Variants in CFAP54 observed in about 807,000 individuals in gnomAD.
The protein encoded by CFAP54 is cilia and flagella associated protein 54, also known as cilia- and flagella-associated protein 54.
CFAP54 carries 290 observed loss-of-function variants against 370.4 expected under a neutral mutation model. That is an observed-to-expected ratio of 0.78 (90% CI 0.71 to 0.86). The LOEUF (loss-of-function observed/expected upper bound fraction) is 0.86, where lower values mean the gene tolerates loss of function less well. Among genes scored for constraint, CFAP54 ranks in the 40% least tolerant of loss-of-function variants. The pLI is 0.00. For synonymous variants in CFAP54, 1,206 were observed against 1,236.5 expected (o/e 0.98, Z 0.52); for missense variants, 3,399 against 3,528.7 (o/e 0.96, Z 0.93).
Position 96,860,801 on chromosome 12 carries a change from T to A in CFAP54, c.9172-18T>A. 4 of 1,518,998 alleles carry A rather than the reference T, an allele frequency of 2.6e-6. No homozygotes were observed. Among genetic ancestry groups the A allele is most frequent in the Non-Finnish European group, 3.5e-6 (4 of 1,140,616 alleles). 94.1% of individuals were successfully genotyped at this position (1,518,998 alleles called of 1,614,324 possible). Reference sequence around the variant, plus strand: ...TTGAAACAATGCATTTCATGAACACTTTTATGTTTTTCCTCAGGTCCCATT... The same window carrying A: ...TTGAAACAATGCATTTCATGAACACATTTATGTTTTTCCTCAGGTCCCATT... On this transcript the variant is annotated intron_variant, in intron 66 of 67. Coordinates refer to ENST00000524981, the MANE Select transcript of CFAP54 (RefSeq NM_001306084.2).
intron 60 of CFAP54, among the ~76,000 whole-genome samples, chr12:96,770,214 T>TTGTGTGTGTGTGTGAATTTG (rs1958447833): frequency 7.3e-6 from 1 of 136,066 alleles, no homozygotes; most frequent in Non-Finnish European, 1.6e-5. Flanking sequence ...GTGTGTGAAT[T>TTGTGTGTGTGTGTGAATTTG]TGTGTGTGTG....
At chr12:96,506,383 A>G (rs1037136825) in intron 3 of CFAP54, among the ~76,000 whole-genome samples, 18 of 151,458 alleles carry the variant, frequency 1.2e-4, no homozygotes, top group African/African-American at 4.1e-4. Flanking sequence ...TTTTGGTAAT[A>G]GGATTTGTTT....
intron 63 of CFAP54, among the ~76,000 whole-genome samples, chr12:96,797,837 C>A (rs1229819164): frequency 6.6e-6 from 1 of 151,836 alleles, no homozygotes; most frequent in Non-Finnish European, 1.5e-5. Flanking sequence ...CTGAATAATC[C>A]ATTAATGTAA....
chr12:96,701,730 T>C (rs1383077177), intron 46 of CFAP54, among the ~76,000 whole-genome samples: 1 of 151,968 alleles, frequency 6.6e-6, no homozygotes, highest in African/African-American at 2.4e-5. Flanking sequence ...GCTTGCAAGA[T>C]GTGGTTGAGG....
intron 55 of CFAP54, among the ~76,000 whole-genome samples, chr12:96,748,320 G>C (rs1244165362): frequency 6.6e-6 from 1 of 152,114 alleles, no homozygotes; most frequent in Non-Finnish European, 1.5e-5. Context: ...AAAGTATCCT[G>C]ATGCTTTTCC....
At chr12:96,649,271 CAT>C (rs1456158547) in intron 34 of CFAP54, among the ~76,000 whole-genome samples, 1 of 152,094 alleles carries the variant, frequency 6.6e-6, no homozygotes, top group Non-Finnish European at 1.5e-5. Flanking sequence ...ATTCCATAGC[CAT>C]AGAGTCTGGT....
At chr12:96,530,129 C>T (rs1467037135) in intron 9 of CFAP54, among the ~76,000 whole-genome samples, 2 of 152,056 alleles carry the variant, frequency 1.3e-5, no homozygotes, top group East Asian at 1.9e-4. Context: ...ATTAGGTGGC[C>T]GTATGTGTGT....
chr12:96,672,382 G>A (rs1957157522), intron 39 of CFAP54, among the ~76,000 whole-genome samples: 1 of 152,134 alleles, frequency 6.6e-6, no homozygotes, highest in Non-Finnish European at 1.5e-5. Flanking sequence ...CATTCTCATT[G>A]GGTACTGGAA....
At chr12:96,698,570 C>T (rs373384577) in intron 45 of CFAP54, among the ~76,000 whole-genome samples, 2 of 152,062 alleles carry the variant, frequency 1.3e-5, no homozygotes, top group East Asian at 1.9e-4. Flanking sequence ...AGCAGACTAA[C>T]CCAGGAACAG....
At position 96,826,811 on chromosome 12, in the gene CFAP54, A is replaced by G. The variant is rs1461602742; in HGVS notation, c.9097-2203A>G. 7.9e-5 allele frequency among the ~76,000 whole-genome samples: 9 copies of G among 114,488 alleles called. No homozygotes were observed. The South Asian group carries it at 1.4e-3, about 18-fold the overall frequency. The allele number at this position is 114,488 out of a possible 152,430, so 75.1% of individuals were successfully genotyped here. A position where few individuals can be genotyped will look rare whatever the true frequency, so the allele number is the denominator to read the frequency against. ...TAAATAATATATAATTATATATTAT[A>G]CATATTAATATATTATATAATATAT... On this transcript the variant is annotated intron_variant, in intron 65 of 67. Coordinates refer to ENST00000524981, the MANE Select transcript of CFAP54 (RefSeq NM_001306084.2).
chr12:96,587,962 A>C (rs1340629709), intron 22 of CFAP54, among the ~76,000 whole-genome samples: 1 of 152,174 alleles, frequency 6.6e-6, no homozygotes. Flanking sequence ...TGGTTTCCTC[A>C]TTCACAAATA....
chr12:96,544,255 A>G (rs1592842798), intron 14 of CFAP54, among the ~76,000 whole-genome samples: 1 of 152,158 alleles, frequency 6.6e-6, no homozygotes, highest in Non-Finnish European at 1.5e-5. Flanking sequence ...TAAGTGACTA[A>G]AACAATAAGC....
chr12:96,527,113 T>C, intron 8 of CFAP54, 133 bp from the exon 9 acceptor site: 3 of 698,258 alleles, frequency 4.3e-6, no homozygotes, highest in Non-Finnish European at 6.5e-6. Flanking sequence ...GCCCAGGTGG[T>C]CTTGAACTCC....
intron 60 of CFAP54, among the ~76,000 whole-genome samples, chr12:96,775,625 G>A (rs1169716068): frequency 6.6e-6 from 1 of 152,148 alleles, no homozygotes; most frequent in African/African-American, 2.4e-5. Context: ...TGGACAAGGC[G>A]AACAGAGGTC....
intron 48 of CFAP54, among the ~76,000 whole-genome samples, chr12:96,709,240 A>G (rs1056826130): frequency 6.6e-6 from 1 of 152,234 alleles, no homozygotes; most frequent in Non-Finnish European, 1.5e-5. Flanking sequence ...CATGTGCACC[A>G]ATAGAGGAAT....
intron 60 of CFAP54, among the ~76,000 whole-genome samples, chr12:96,768,093 G>T (rs1008365517): frequency 6.6e-6 from 1 of 152,030 alleles, no homozygotes. Flanking sequence ...GGCTAAGGTG[G>T]GTGGATTATT....
chr12:96,805,920 A>T (rs1958872540), intron 63 of CFAP54, among the ~76,000 whole-genome samples: 1 of 151,640 alleles, frequency 6.6e-6, no homozygotes, highest in Non-Finnish European at 1.5e-5. Context: ...AGTAACATGG[A>T]TGTAACTGGA....
At chr12:96,734,674 T>C (rs12823085) in intron 50 of CFAP54, among the ~76,000 whole-genome samples, 35,827 of 152,036 alleles carry the variant, frequency 0.24, 4,411 homozygotes, top group South Asian at 0.29. Context: ...GTATGAATTC[T>C]TAAAAATTAG....
At chr12:96,790,353 A>T (rs1216248787) in intron 62 of CFAP54, among the ~76,000 whole-genome samples, 1 of 151,992 alleles carries the variant, frequency 6.6e-6, no homozygotes, top group Non-Finnish European at 1.5e-5. Context: ...AAAAAAAAAT[A>T]GAATAAAAGT....
Sources: gnomAD v4.1 joint callset for allele counts (sites outside exome capture counted in the v4.1 genomes callset) on GRCh38, gnomAD v4.1.1 for gene constraint, MANE v1.5 for transcripts, NCBI Gene and HGNC (gene_info 2026-07-23, HGNC 2026-07-21) for gene names.